Variants in MAP9 observed in about 807,000 individuals in gnomAD.
MAP9 encodes the protein microtubule-associated protein 9.
In MAP9, 80 loss-of-function variants were observed where a neutral mutation model predicts 75.2. The observed-to-expected ratio is 1.06, with a 90% CI of 0.89 to 1.28. The LOEUF is 1.28. Ranked by LOEUF, MAP9 falls within the 50% of genes most tolerant of loss-of-function variation. The pLI, the probability that MAP9 is intolerant of heterozygous loss-of-function variation, is 0.00. For synonymous variants in MAP9, 235 were observed against 237.3 expected (o/e 0.99, Z 0.09); for missense variants, 753 against 719.9 (o/e 1.05, Z -0.53).
intron 11 of MAP9, 44 bp from the exon 12 acceptor site, chr4:155,353,101 A>G (rs1425333176): frequency 6.5e-7 from 1 of 1,534,590 alleles, no homozygotes; most frequent in South Asian, 1.3e-5. Flanking sequence ...ATATTTGAAA[A>G]TAAATAAAAA....
At chr4:155,368,245 T>C (rs1732417493) in intron 5 of MAP9, 1 of 398,564 alleles carries the variant, frequency 2.5e-6, no homozygotes, top group Non-Finnish European at 4.4e-6. Context: ...TTATTAAAGA[T>C]AAACACTATT....
intron 13 of MAP9, 140 bp downstream of exon 13, chr4:155,352,456 G>A: frequency 1.3e-6 from 1 of 768,004 alleles, no homozygotes; most frequent in Non-Finnish European, 2.1e-6. Flanking sequence ...CTATATGCAG[G>A]AGGAGAGCTT....
Position 155,355,830 on chromosome 4 carries a change from C to T in MAP9, c.1176G>A (p.Ser392=), listed in dbSNP as rs762649412. 6.8e-6 allele frequency: 11 copies of T among 1,613,494 alleles called. No individual in the cohort carries two copies. Among genetic ancestry groups the T allele is most frequent in the African/African-American group, 2.7e-5 (2 of 74,874 alleles). The change falls in exon 9 of 14, where the codon TCG becomes TCA. Residue 392 remains serine, a synonymous_variant. Coordinates refer to ENST00000311277, the MANE Select transcript of MAP9 (RefSeq NM_001039580.2). Reference sequence around the variant, plus strand: ...CTAAATAGTGAGAAGAGGTAGTTGTCGATGGAGTTCTCCTTTTAGAACTAG... The same window carrying T: ...CTAAATAGTGAGAAGAGGTAGTTGTTGATGGAGTTCTCCTTTTAGAACTAG... The part of the protein sequence containing the change: ...KKSSSKRRTP[S]TTTSSHYLGT...
In MAP9 at chr4:155,353,039, C is replaced by T. The variant is rs1220998973; in HGVS notation, c.1561G>A (p.Glu521Lys). Residue 521 changes from glutamate to lysine, a missense_variant, in exon 12 of 14, where the codon GAG becomes AAG. Coordinates refer to ENST00000311277, the MANE Select transcript of MAP9 (RefSeq NM_001039580.2). ...TCTTTAAGATATTCCATCTTTTTCT[C>T]TTTCCATTTTTCAAAAGCCTGAAAA... ...EALQAFEKWK[E>K]KKMEYLKEKN... 4.5e-6 allele frequency: 7 copies of T among 1,538,756 alleles called. No individual in the cohort carries two copies. Among genetic ancestry groups the T allele is most frequent in the Middle Eastern group, 1.7e-4 (1 of 5,794 alleles).
intron 4 of MAP9, among the ~76,000 whole-genome samples, chr4:155,370,486 C>A (rs1732543910): frequency 6.6e-6 from 1 of 152,054 alleles, no homozygotes; most frequent in Non-Finnish European, 1.5e-5. Context: ...GCACACATAC[C>A]ACAATCCCTC....
rs1322741963 is a variant in MAP9, at chr4:155,345,654, G to A, written c.*2129C>T. ...ATGAACATTTAAGTCCTTATTATGT[G>A]TCAAATAGTTTACATTAATTAACTC... is the stretch of plus-strand genomic sequence containing the variant. On this transcript the variant is annotated 3_prime_UTR_variant, in exon 14 of 14. Transcript: ENST00000311277. 2.0e-5 allele frequency: 3 copies of A among 152,040 alleles called. No homozygotes were observed. The highest frequency in any genetic ancestry group is 1.9e-4 in the East Asian group (1 of 5,190). 9.4% of individuals were successfully genotyped at this position (152,040 alleles called of 1,614,324 possible). A position where few individuals can be genotyped will look rare whatever the true frequency, so the allele number is the denominator to read the frequency against.
chr4:155,351,076 A>G (rs1378280188), intron 13 of MAP9: 1 of 152,002 alleles, frequency 6.6e-6, no homozygotes, highest in African/African-American at 2.4e-5. Flanking sequence ...CTGTGAAAGA[A>G]GAACTATAAA....
intron 7 of MAP9, 75 bp downstream of exon 7, chr4:155,360,093 C>A: frequency 7.3e-7 from 1 of 1,378,514 alleles, no homozygotes; most frequent in South Asian, 1.3e-5. Flanking sequence ...GTATATAACA[C>A]AGAAGATAAA....
In MAP9 at chr4:155,355,139, C is replaced by A. The variant is rs1731712527; in HGVS notation, c.1312G>T (p.Val438Leu). 2.3e-6 allele frequency: 3 copies of A among 1,325,474 alleles called. No individual in the cohort carries two copies. The highest frequency in any genetic ancestry group is 3.1e-6 in the Non-Finnish European group (3 of 969,212). 82.1% of individuals were successfully genotyped at this position (1,325,474 alleles called of 1,614,324 possible). A position where few individuals can be genotyped will look rare whatever the true frequency, so the allele number is the denominator to read the frequency against. Residue 438 changes from valine (V) to leucine (L), a missense_variant, in exon 10 of 14, where the codon GTG becomes TTG. Val to Leu is a conservative substitution (Grantham distance 32). Transcript: ENST00000311277. ...VYQEWLEKKN[V>L]YLHEMHRIKR... ...ATTCTGTGCATTTCATGTAAATACACATTTTTCTTTTCTAACCACTCCTAT... is the reference window on the plus strand; with the variant it reads ...ATTCTGTGCATTTCATGTAAATACAAATTTTTCTTTTCTAACCACTCCTAT...
At chr4:155,356,266 CA>C (rs568623222) in intron 8 of MAP9, among the ~76,000 whole-genome samples, 2 of 145,746 alleles carry the variant, frequency 1.4e-5, no homozygotes, top group South Asian at 2.1e-4. Flanking sequence ...GACTCCATCT[CA>C]AAAAAAAAAT....
At chr4:155,352,096 C>A (rs2111192152) in intron 13 of MAP9, among the ~76,000 whole-genome samples, 1 of 152,024 alleles carries the variant, frequency 6.6e-6, no homozygotes, top group African/African-American at 2.4e-5. Context: ...AGCTATTGCT[C>A]CTCCTAAACC....
intron 5 of MAP9, among the ~76,000 whole-genome samples, chr4:155,367,974 G>T (rs1413101437): frequency 6.6e-6 from 1 of 152,206 alleles, no homozygotes; most frequent in East Asian, 1.9e-4. Context: ...ATGTTCAGAA[G>T]GGACAGTTTG....
rs145981489 is a variant in MAP9 at position 155,355,036 on chromosome 4, A to C, written c.1380+35T>G. The stretch of plus-strand genomic sequence containing the variant: ...TCAGGGATATTTTACTGAAATAAAA[A>C]TCCAAAACATTTTTACTTCTATATG... On this transcript the variant is annotated intron_variant, in intron 10 of 13. Coordinates refer to ENST00000311277, the MANE Select transcript of MAP9 (RefSeq NM_001039580.2). 232 of 1,013,978 alleles carry C rather than the reference A, an allele frequency of 2.3e-4. No homozygotes were observed. The African/African-American group carries it at 3.5e-3, about 15-fold the overall frequency. 62.8% of individuals were successfully genotyped at this position (1,013,978 alleles called of 1,614,324 possible).
At chr4:155,373,646 T>C (rs565474222) in intron 3 of MAP9, among the ~76,000 whole-genome samples, 190 bp from the exon 4 acceptor site, 1 of 152,356 alleles carries the variant, frequency 6.6e-6, no homozygotes, top group Admixed American at 6.5e-5. Context: ...TTAACATTTA[T>C]GAAATAAAAA....
chr4:155,373,217 T>G lies in MAP9; in HGVS notation c.400A>C (p.Asn134His). 2 of 1,608,206 alleles carry G rather than the reference T, an allele frequency of 1.2e-6. No individual in the cohort carries two copies. Among genetic ancestry groups the G allele is most frequent in the South Asian group, 1.1e-5 (1 of 88,996 alleles). Residue 134 changes from asparagine (N) to histidine (H), a missense_variant, in exon 4 of 14, where the codon AAT (asparagine) becomes CAT (histidine). By Grantham distance (68) the Asn-to-His change is moderately conservative. Coordinates refer to ENST00000311277, the MANE Select transcript of MAP9 (RefSeq NM_001039580.2). ...IVVKSFSESQ[N>H]KDEEFEKDKI... The stretch of plus-strand genomic sequence containing the variant: ...TCTTTTTCAAATTCCTCATCCTTAT[T>G]TTGAGATTCAGAGAAAGATTTTACA...
Position 155,375,882 on chromosome 4 carries a change from A to G in MAP9, c.-32T>C, listed in dbSNP as rs777850242. ...TTTTTTCTCGTTACCTTTATAAAAT[A>G]GCTAATTATTAGAATTCAACTTCTG... is the stretch of plus-strand genomic sequence containing the variant. On this transcript the variant is annotated 5_prime_UTR_variant, in exon 2 of 14. Coordinates refer to ENST00000311277, the MANE Select transcript of MAP9 (RefSeq NM_001039580.2). 6 of 1,433,466 alleles carry G rather than the reference A, an allele frequency of 4.2e-6. No homozygotes were observed. The Admixed American group carries it at 1.1e-4, about 26-fold the overall frequency. 88.8% of individuals were successfully genotyped at this position (1,433,466 alleles called of 1,614,324 possible). A position where few individuals can be genotyped will look rare whatever the true frequency, so the allele number is the denominator to read the frequency against.
At chr4:155,352,291 G>C (rs934739797) in intron 13 of MAP9, 1 of 260,064 alleles carries the variant, frequency 3.8e-6, no homozygotes, top group African/African-American at 2.3e-5. Flanking sequence ...TTCTATGTTA[G>C]ATGTGAGAAT....
At chr4:155,354,521 TG>T (rs1301856896) in intron 10 of MAP9, 2 of 143,436 alleles carry the variant, frequency 1.4e-5, no homozygotes, top group Non-Finnish European at 3.0e-5. Context: ...TGGAGTACAG[TG>T]GCACGATCTC....
At chr4:155,359,454 T>C (rs528461248) in intron 7 of MAP9, among the ~76,000 whole-genome samples, 7 of 151,684 alleles carry the variant, frequency 4.6e-5, no homozygotes, top group African/African-American at 1.7e-4. Context: ...GAGAGGGAGG[T>C]GCGGGATGAG....
Sources: allele counts gnomAD v4.1 joint callset (sites outside exome capture counted in the v4.1 genomes callset), GRCh38; gene constraint gnomAD v4.1.1; transcripts MANE v1.5; gene names NCBI Gene and HGNC (gene_info 2026-07-23, HGNC 2026-07-21).